Variants in ESRRG observed in about 807,000 individuals in gnomAD.
The protein encoded by ESRRG is estrogen related receptor gamma, also known as estrogen-related receptor gamma.
In ESRRG, 13 loss-of-function variants were observed where a neutral mutation model predicts 44.0. That is an observed-to-expected ratio of 0.30 (90% CI 0.19 to 0.47). ESRRG has a LOEUF of 0.47. Ranked by LOEUF, ESRRG falls within the 20% of genes least tolerant of loss-of-function variation. The probability of loss-of-function intolerance (pLI) is 1.00; values close to 1 mark genes in which losing one functional copy is unlikely to be tolerated. For synonymous variants in ESRRG, 215 were observed against 214.6 expected, an observed-to-expected ratio of 1.00 and a Z score of -0.02; for missense variants, 395 against 580.6, an observed-to-expected ratio of 0.68 and a Z score of 3.29.
chr1:216,904,691 C>G (rs1248130891), intron 2 of ESRRG, among the ~76,000 whole-genome samples: 2 of 152,146 alleles, frequency 1.3e-5, no homozygotes, highest in African/African-American at 4.8e-5. Flanking sequence ...CCAACAACTC[C>G]CCGGCTGTGG....
intron 3 of ESRRG, among the ~76,000 whole-genome samples, chr1:216,636,190 T>C (rs1249374113): frequency 6.6e-6 from 1 of 152,212 alleles, no homozygotes; most frequent in Non-Finnish European, 1.5e-5. Context: ...ACTAGTATGC[T>C]ATGTGGAATA....
intron 2 of ESRRG, among the ~76,000 whole-genome samples, chr1:216,908,796 G>GAACAAGGCAA (rs1298182830): frequency 4.0e-5 from 6 of 148,344 alleles, no homozygotes; most frequent in African/African-American, 7.5e-5. Context: ...CACTCCCTAG[G>GAACAAGGCAA]TACAAGGCAA....
At chr1:217,122,796 G>C (rs760604894) in intron 1 of ESRRG, among the ~76,000 whole-genome samples, 1 of 149,918 alleles carries the variant, frequency 6.7e-6, no homozygotes, top group Admixed American at 6.7e-5. Context: ...TCAGCCTCCC[G>C]AGTAGCTGGG....
chr1:216,645,051 G>A (rs1222456145), intron 3 of ESRRG, among the ~76,000 whole-genome samples: 2 of 152,082 alleles, frequency 1.3e-5, no homozygotes, highest in Non-Finnish European at 1.5e-5. Context: ...AGAGCTGGAA[G>A]GAAATGTGAG....
chr1:217,039,087 C>T (rs190611563), intron 1 of ESRRG, among the ~76,000 whole-genome samples: 1 of 152,312 alleles, frequency 6.6e-6, no homozygotes, highest in East Asian at 1.9e-4. Flanking sequence ...CATTGAGTTC[C>T]TCATTTCCAT....
chr1:216,863,588 T>G (rs2096091434), intron 2 of ESRRG: 1 of 152,184 alleles, frequency 6.6e-6, no homozygotes, highest in South Asian at 2.1e-4. Context: ...GTCAAACCTT[T>G]TATTTCCACT....
intron 2 of ESRRG, among the ~76,000 whole-genome samples, chr1:216,837,309 G>T (rs1300241847): frequency 6.6e-6 from 1 of 151,802 alleles, no homozygotes; most frequent in Non-Finnish European, 1.5e-5. Flanking sequence ...TACTCGGGAG[G>T]CTGAGGCAGG....
In ESRRG at chr1:216,503,922, G is replaced by T. The variant is rs951535962; in HGVS notation, c.*3017C>A. On this transcript the variant is annotated 3_prime_UTR_variant, in exon 7 of 7. Coordinates refer to ENST00000408911, the MANE Select transcript of ESRRG (RefSeq NM_001438.4). ...TCCAAAACTTCACATTAAGTAAATGGTCTTGCTTGAAACTTGAGAAGACTT... is the reference window on the plus strand; with the variant it reads ...TCCAAAACTTCACATTAAGTAAATGTTCTTGCTTGAAACTTGAGAAGACTT... 2.0e-4 allele frequency: 31 copies of T among 152,432 alleles called. No individual in the cohort carries two copies. Among genetic ancestry groups the T allele is most frequent in the Non-Finnish European group, 5.9e-5 (4 of 67,898 alleles). The allele number at this position is 152,432 out of a possible 1,614,324, so 9.4% of individuals were successfully genotyped here. A position where few individuals can be genotyped will look rare whatever the true frequency, so the allele number is the denominator to read the frequency against.
At chr1:216,941,528 CCAA>C (rs1370246409) in intron 1 of ESRRG, among the ~76,000 whole-genome samples, 3 of 152,134 alleles carry the variant, frequency 2.0e-5, no homozygotes, top group Non-Finnish European at 4.4e-5. Flanking sequence ...TGATCCCACA[CCAA>C]CAACTATCTC....
chr1:216,993,688 C>T (rs1018238655), intron 1 of ESRRG, among the ~76,000 whole-genome samples: 1 of 152,274 alleles, frequency 6.6e-6, no homozygotes, highest in Admixed American at 6.5e-5. Flanking sequence ...GACCCTCCAC[C>T]TCTGAGGTAC....
intron 2 of ESRRG, among the ~76,000 whole-genome samples, chr1:216,736,007 T>TAC (rs1303407800): frequency 2.0e-5 from 3 of 147,494 alleles, no homozygotes; most frequent in Non-Finnish European, 4.5e-5. Context: ...TATATATATA[T>TAC]ACACACATAC....
intron 2 of ESRRG, among the ~76,000 whole-genome samples, chr1:216,842,018 G>T (rs932193776): frequency 4.6e-5 from 7 of 152,016 alleles, no homozygotes; most frequent in Non-Finnish European, 1.0e-4. Flanking sequence ...CCATTAAAGA[G>T]AATAAAATTA....
At chr1:216,537,446 G>C (rs930874147) in intron 5 of ESRRG, among the ~76,000 whole-genome samples, 1 of 152,076 alleles carries the variant, frequency 6.6e-6, no homozygotes, top group African/African-American at 2.4e-5. Flanking sequence ...CTTTCAGGCA[G>C]AGGGAATGGA....
chr1:216,764,836 C>T (rs553823099), intron 2 of ESRRG, among the ~76,000 whole-genome samples: 1 of 152,084 alleles, frequency 6.6e-6, no homozygotes, highest in Admixed American at 6.6e-5. Context: ...GGTAGGGGAA[C>T]AACAGATGCT....
In ESRRG at chr1:216,685,199, G is replaced by T. The variant is rs546002619; in HGVS notation, c.57-7708C>A. 5.1e-4 allele frequency among the ~76,000 whole-genome samples: 78 copies of T among 152,102 alleles called. 1 individual carries two copies. The South Asian group carries it at 0.015, about 30-fold the overall frequency. On this transcript the variant is annotated intron_variant, in intron 1 of 6. Coordinates refer to ENST00000408911, the MANE Select transcript of ESRRG (RefSeq NM_001438.4). ...CCAGGGTAGAGTCTAACAGCCCTAGGCAATGGGTGGACACCACCACTAAAA... is the reference window on the plus strand; with the variant it reads ...CCAGGGTAGAGTCTAACAGCCCTAGTCAATGGGTGGACACCACCACTAAAA...
intron 1 of ESRRG, among the ~76,000 whole-genome samples, chr1:217,081,221 C>CTCTT (rs2091739809): frequency 1.4e-5 from 1 of 70,410 alleles, no homozygotes; most frequent in Non-Finnish European, 2.4e-5. Context: ...TAAAAATATT[C>CTCTT]TTTTTTTTTT....
chr1:216,783,864 C>T (rs1399557971), intron 2 of ESRRG, among the ~76,000 whole-genome samples: 1 of 152,048 alleles, frequency 6.6e-6, no homozygotes, highest in Non-Finnish European at 1.5e-5. Context: ...TATCGATTTA[C>T]AAAATCTCTT....
At chr1:216,581,669 G>C (rs2062795601) in intron 3 of ESRRG, among the ~76,000 whole-genome samples, 1 of 151,142 alleles carries the variant, frequency 6.6e-6, no homozygotes, top group East Asian at 1.9e-4. Flanking sequence ...AAAAACAATG[G>C]GCATGAACTG....
intron 2 of ESRRG, among the ~76,000 whole-genome samples, chr1:216,667,765 A>G (rs1019245731): frequency 6.6e-6 from 1 of 151,592 alleles, no homozygotes; most frequent in African/African-American, 2.4e-5. Flanking sequence ...AAATGTAACT[A>G]TCATGAATTA....
Sources: allele counts gnomAD v4.1 joint callset (sites outside exome capture counted in the v4.1 genomes callset), GRCh38; gene constraint gnomAD v4.1.1; transcripts MANE v1.5; gene names NCBI Gene and HGNC (gene_info 2026-07-23, HGNC 2026-07-21).